Variants in YAF2 observed in about 807,000 individuals in gnomAD.
YAF2 encodes the protein YY1 associated factor 2, also known as YY1-associated factor 2.
In YAF2, 7 loss-of-function variants were observed where a neutral mutation model predicts 20.1. The ratio of observed to expected loss-of-function variants is 0.35; its 90% CI spans 0.20 to 0.65. The LOEUF (loss-of-function observed/expected upper bound fraction) is 0.65, where lower values mean the gene tolerates loss of function less well. Ranked by LOEUF, YAF2 falls within the 30% of genes least tolerant of loss-of-function variation. The pLI is 0.69. For synonymous variants in YAF2, 74 were observed against 76.0 expected, an observed-to-expected ratio of 0.97 and a Z score of 0.14; for missense variants, 151 against 219.2, an observed-to-expected ratio of 0.69 and a Z score of 1.96.
intron 2 of YAF2, among the ~76,000 whole-genome samples, chr12:42,215,250 G>T (rs1218207174): frequency 4.0e-5 from 6 of 151,894 alleles, no homozygotes; most frequent in Non-Finnish European, 8.8e-5. Flanking sequence ...CCTAAAACCT[G>T]AATCTTTAGG....
intron 2 of YAF2, among the ~76,000 whole-genome samples, chr12:42,236,734 T>C (rs1355001343): frequency 2.0e-5 from 3 of 152,212 alleles, no homozygotes; most frequent in Non-Finnish European, 2.9e-5. Context: ...AAAATACATA[T>C]CTTCTCTAAA....
intron 2 of YAF2, among the ~76,000 whole-genome samples, chr12:42,197,690 G>C (rs928293668): frequency 6.6e-6 from 1 of 152,200 alleles, no homozygotes; most frequent in African/African-American, 2.4e-5. Context: ...ATCAACATAA[G>C]AAAACATGTA....
At chr12:42,198,033 T>C (rs1352333275) in intron 2 of YAF2, among the ~76,000 whole-genome samples, 1 of 152,012 alleles carries the variant, frequency 6.6e-6, no homozygotes, top group Admixed American at 6.6e-5. Context: ...AAAAAATCAG[T>C]TAATTTGAAA....
intron 2 of YAF2, among the ~76,000 whole-genome samples, chr12:42,201,589 C>CTGT (rs1455378301): frequency 3.3e-5 from 5 of 151,938 alleles, no homozygotes; most frequent in Admixed American, 6.6e-5. Context: ...TTTTTTGTTG[C>CTGT]TGTTGCTGTT....
At chr12:42,232,931 G>C (rs1431296562) in intron 2 of YAF2, 3 of 985,254 alleles carry the variant, frequency 3.0e-6, no homozygotes, top group Non-Finnish European at 3.6e-6. Flanking sequence ...ATAAAGGAAA[G>C]ATCTACTAAC....
intron 3 of YAF2, chr12:42,161,301 T>G (rs999889840): frequency 3.8e-6 from 1 of 266,530 alleles, no homozygotes; most frequent in East Asian, 1.0e-4. Flanking sequence ...ATCTGTTCGG[T>G]ATGTTGAAAA....
intron 2 of YAF2, among the ~76,000 whole-genome samples, chr12:42,202,616 T>G (rs1158193701): frequency 6.6e-6 from 1 of 152,196 alleles, no homozygotes; most frequent in Admixed American, 6.6e-5. Context: ...TTGTATATAG[T>G]ATTTCAATCT....
intron 2 of YAF2, among the ~76,000 whole-genome samples, chr12:42,224,737 T>C (rs2067636025): frequency 6.6e-6 from 1 of 152,194 alleles, no homozygotes; most frequent in Admixed American, 6.5e-5. Flanking sequence ...TAGTATTCCA[T>C]GGTGTATATG....
At chr12:42,181,360 C>T (rs2066337304) in intron 2 of YAF2, among the ~76,000 whole-genome samples, 1 of 152,208 alleles carries the variant, frequency 6.6e-6, no homozygotes, top group Admixed American at 6.5e-5. Context: ...GCTGGTAAGA[C>T]ACTGGTTTTA....
intron 2 of YAF2, among the ~76,000 whole-genome samples, chr12:42,189,895 A>T (rs1281200290): frequency 6.6e-6 from 1 of 152,236 alleles, no homozygotes; most frequent in Non-Finnish European, 1.5e-5. Context: ...ACAAGAAAAC[A>T]GGTCAATAGC....
intron 2 of YAF2, among the ~76,000 whole-genome samples, chr12:42,176,256 G>A (rs562920682): frequency 4.0e-5 from 6 of 151,796 alleles, no homozygotes; most frequent in African/African-American, 1.4e-4. Flanking sequence ...TGAGTAGCTG[G>A]GACTACAGGA....
chr12:42,172,517 G>A (rs936631530), intron 2 of YAF2, among the ~76,000 whole-genome samples: 2 of 152,014 alleles, frequency 1.3e-5, no homozygotes, highest in South Asian at 2.1e-4. Flanking sequence ...TTTTTTAAGC[G>A]ACTAGGGCAG....
chr12:42,184,573 G>A (rs1239480931), intron 2 of YAF2, among the ~76,000 whole-genome samples: 2 of 152,128 alleles, frequency 1.3e-5, no homozygotes, highest in African/African-American at 4.8e-5. Context: ...GCCTCTCAAA[G>A]TGCCGGGATT....
rs183056003 is a variant in YAF2 at position 42,165,864 on chromosome 12, C to G, written c.153-4099G>C. On this transcript the variant is annotated intron_variant, in intron 2 of 3. Coordinates refer to ENST00000534854, the MANE Select transcript of YAF2 (RefSeq NM_005748.6). ...AACATTCATCTTGTAAGTACTGATT[C>G]TTGGTTTTAAATTCTATCTATATCT... Among the ~76,000 whole-genome samples the G allele has an allele frequency of 2.2e-3, 311 of 141,822 alleles. 1 individual carries two copies. The highest frequency in any genetic ancestry group is 4.2e-3 in the Admixed American group (57 of 13,422). The allele number at this position is 141,822 out of a possible 152,430, so 93.0% of individuals were successfully genotyped here.
chr12:42,203,453 T>C (rs77803042), intron 2 of YAF2, among the ~76,000 whole-genome samples: 1,600 of 152,254 alleles, frequency 0.011, 29 homozygotes, highest in African/African-American at 0.037. Context: ...GATAGAGATA[T>C]ATCTGTCTTA....
At position 42,218,530 on chromosome 12, in the gene YAF2, A is replaced by C. The variant is rs75221287; in HGVS notation, c.152+19069T>G. Among the ~76,000 whole-genome samples the C allele has an allele frequency of 5.8e-3, 879 of 152,228 alleles. 32 individuals are homozygous for C. The East Asian group carries it at 0.079, about 14-fold the overall frequency. ...CTTTTTAAAATGTATGTGTCTTTTA[A>C]AAAATGTATTATTTTTTCCAGAATA... On this transcript the variant is annotated intron_variant, in intron 2 of 3. Transcript: ENST00000534854.
intron 2 of YAF2, among the ~76,000 whole-genome samples, chr12:42,176,776 A>G (rs1287066972): frequency 1.3e-5 from 2 of 152,110 alleles, no homozygotes; most frequent in Admixed American, 6.6e-5. Flanking sequence ...AGCCTGGCCA[A>G]TATGGCGAAA....
At chr12:42,227,295 C>T (rs1303215322) in intron 2 of YAF2, among the ~76,000 whole-genome samples, 2 of 72,326 alleles carry the variant, frequency 2.8e-5, no homozygotes, top group Non-Finnish European at 4.7e-5. Context: ...TCTGCCTGGC[C>T]GCCCATCGTC....
chr12:42,238,210 G>T lies in YAF2; in HGVS notation c.-30C>A. 2.9e-6 allele frequency: 4 copies of T among 1,387,982 alleles called. No individual in the cohort carries two copies. The highest frequency in any genetic ancestry group is 3.8e-6 in the Non-Finnish European group (4 of 1,049,652). The allele number at this position is 1,387,982 out of a possible 1,614,324, so 86.0% of individuals were successfully genotyped here. A position where few individuals can be genotyped will look rare whatever the true frequency, so the allele number is the denominator to read the frequency against. On this transcript the variant is annotated 5_prime_UTR_variant, in exon 1 of 4. Transcript: ENST00000534854. ...TGGCTATCACCGCACGCCGAGAGTC[G>T]CCGCCGCGACCGCTCTGTTTGTCAA...
Sources: gnomAD v4.1 joint callset for allele counts (sites outside exome capture counted in the v4.1 genomes callset) on GRCh38, gnomAD v4.1.1 for gene constraint, MANE v1.5 for transcripts, NCBI Gene and HGNC (gene_info 2026-07-23, HGNC 2026-07-21) for gene names.